Variants in LDB2 observed in about 807,000 individuals in gnomAD.
LDB2 encodes LIM domain-binding protein 2.
In LDB2, 12 loss-of-function variants were observed where a neutral mutation model predicts 44.3. That is an observed-to-expected ratio of 0.27 (90% CI 0.17 to 0.44). The LOEUF (loss-of-function observed/expected upper bound fraction) is 0.44. LDB2 is among the 20% of genes least tolerant of loss of function. LDB2 has a pLI of 1.00. For synonymous variants in LDB2, 164 were observed against 174.8 expected, an observed-to-expected ratio of 0.94 and a Z score of 0.49; for missense variants, 344 against 473.5, an observed-to-expected ratio of 0.73 and a Z score of 2.54.
At chr4:16,534,019 C>A (rs1434891359) in intron 5 of LDB2, among the ~76,000 whole-genome samples, 1 of 152,116 alleles carries the variant, frequency 6.6e-6, no homozygotes, top group Non-Finnish European at 1.5e-5. Context: ...AGCAGCATAG[C>A]CTTTGTGTGG....
chr4:16,629,686 T>C (rs928969312), intron 2 of LDB2, among the ~76,000 whole-genome samples: 3 of 151,872 alleles, frequency 2.0e-5, no homozygotes, highest in Admixed American at 6.6e-5. Context: ...GCTAAAAACC[T>C]TGAAAAAAGG....
At position 16,876,523 on chromosome 4, in the gene LDB2, A is replaced by C. The variant is rs1175646703; in HGVS notation, c.132+21831T>G. ...CGATTAAATGTAAATCCTAATGTAC[A>C]TTTCATTTTATGTGCAATATGGGTG... is the stretch of plus-strand genomic sequence containing the variant. On this transcript the variant is annotated intron_variant, in intron 1 of 7. Transcript: ENST00000304523. 1.1e-4 allele frequency among the ~76,000 whole-genome samples: 17 copies of C among 152,316 alleles called. No homozygotes were observed. In the South Asian group the frequency reaches 1.7e-3, roughly 15 times the overall value.
chr4:16,746,415 G>A (rs968619375), intron 2 of LDB2, among the ~76,000 whole-genome samples: 1 of 151,270 alleles, frequency 6.6e-6, no homozygotes, highest in Non-Finnish European at 1.5e-5. Flanking sequence ...CAAAGCCACG[G>A]CTAATATTGG....
intron 2 of LDB2, among the ~76,000 whole-genome samples, chr4:16,667,814 C>T (rs1743707898): frequency 6.6e-6 from 1 of 152,176 alleles, no homozygotes; most frequent in Admixed American, 6.5e-5. Flanking sequence ...CACAGCTGTC[C>T]CTGGACTGGC....
At chr4:16,779,026 C>T (rs1772572141) in intron 1 of LDB2, among the ~76,000 whole-genome samples, 1 of 152,144 alleles carries the variant, frequency 6.6e-6, no homozygotes, top group Non-Finnish European at 1.5e-5. Flanking sequence ...GAGACAAATG[C>T]ATTGTTTTCA....
intron 1 of LDB2, among the ~76,000 whole-genome samples, chr4:16,802,971 C>A (rs2109768729): frequency 6.6e-6 from 1 of 152,318 alleles, no homozygotes; most frequent in East Asian, 1.9e-4. Flanking sequence ...GGGGCTGTCA[C>A]TGGAGCCAGA....
intron 2 of LDB2, among the ~76,000 whole-genome samples, chr4:16,658,566 A>C (rs1740576204): frequency 6.6e-6 from 1 of 151,988 alleles, no homozygotes; most frequent in South Asian, 2.1e-4. Context: ...CTAAAGCCTG[A>C]AATTTTAGAT....
intron 2 of LDB2, among the ~76,000 whole-genome samples, chr4:16,753,326 G>A (rs1765843114): frequency 6.6e-6 from 1 of 152,220 alleles, no homozygotes; most frequent in Admixed American, 6.5e-5. Flanking sequence ...ACCGGAGATA[G>A]TGAACCTACT....
At chr4:16,682,346 A>G (rs899752384) in intron 2 of LDB2, among the ~76,000 whole-genome samples, 2 of 152,208 alleles carry the variant, frequency 1.3e-5, no homozygotes, top group Non-Finnish European at 2.9e-5. Context: ...AAATAAGTAC[A>G]ATAATGCCTG....
At chr4:16,621,906 AT>A (rs1293795570) in intron 2 of LDB2, among the ~76,000 whole-genome samples, 5 of 152,182 alleles carry the variant, frequency 3.3e-5, no homozygotes, top group African/African-American at 4.8e-5. Context: ...TATAGTGGGA[AT>A]TTTTCTTAGA....
chr4:16,861,055 C>G (rs1712383195), intron 1 of LDB2, among the ~76,000 whole-genome samples: 1 of 152,210 alleles, frequency 6.6e-6, no homozygotes, highest in African/African-American at 2.4e-5. Context: ...GTATGGAGGA[C>G]TTCTCTGCTG....
At chr4:16,817,018 T>A (rs895148238) in intron 1 of LDB2, among the ~76,000 whole-genome samples, 2 of 152,146 alleles carry the variant, frequency 1.3e-5, no homozygotes, top group African/African-American at 4.8e-5. Flanking sequence ...CAGTATTGCA[T>A]CGCCAACAAG....
intron 1 of LDB2, among the ~76,000 whole-genome samples, chr4:16,780,328 T>C (rs1384953862): frequency 6.6e-6 from 1 of 152,168 alleles, no homozygotes; most frequent in Non-Finnish European, 1.5e-5. Context: ...GTTCAAGCAA[T>C]TCTCTGGCCT....
intron 2 of LDB2, among the ~76,000 whole-genome samples, chr4:16,634,842 G>A (rs1035655285): frequency 7.9e-5 from 12 of 152,232 alleles, no homozygotes; most frequent in Admixed American, 4.6e-4. Flanking sequence ...ACATGCACAC[G>A]TATGTTTATT....
At chr4:16,743,919 G>A (rs1177506145) in intron 2 of LDB2, among the ~76,000 whole-genome samples, 1 of 152,112 alleles carries the variant, frequency 6.6e-6, no homozygotes, top group Non-Finnish European at 1.5e-5. Flanking sequence ...TTCTGCAATC[G>A]AAAACTAAAA....
At chr4:16,706,596 T>C (rs1384021711) in intron 2 of LDB2, among the ~76,000 whole-genome samples, 3 of 152,208 alleles carry the variant, frequency 2.0e-5, no homozygotes, top group Non-Finnish European at 4.4e-5. Flanking sequence ...AAGTTATTTA[T>C]GCGATAGTAG....
intron 1 of LDB2, among the ~76,000 whole-genome samples, chr4:16,783,514 G>A (rs1252529042): frequency 6.6e-6 from 1 of 152,222 alleles, no homozygotes; most frequent in Non-Finnish European, 1.5e-5. Context: ...TTTGTTTAAA[G>A]CATCATTTTC....
chr4:16,792,607 G>C (rs1775987585), intron 1 of LDB2, among the ~76,000 whole-genome samples: 1 of 152,158 alleles, frequency 6.6e-6, no homozygotes, highest in East Asian at 1.9e-4. Flanking sequence ...CTTTTCGAAA[G>C]ATGCATCATG....
In LDB2 at chr4:16,501,596, A is replaced by C. The variant is rs539155022; in HGVS notation, c.*1047T>G. 1 of 152,796 alleles carries C rather than the reference A, an allele frequency of 6.5e-6. No homozygotes were observed. Among genetic ancestry groups the C allele is most frequent in the East Asian group, 1.9e-4 (1 of 5,188 alleles). The allele number at this position is 152,796 out of a possible 1,614,324, so 9.5% of individuals were successfully genotyped here. ...CACTTATCAGTAAAGCATACATAAA[A>C]TACAGCTGTTTTTTAACACACGGAG... On this transcript the variant is annotated 3_prime_UTR_variant, in exon 8 of 8. Coordinates refer to ENST00000304523, the MANE Select transcript of LDB2 (RefSeq NM_001290.5).
Sources: allele counts gnomAD v4.1 joint callset (sites outside exome capture counted in the v4.1 genomes callset), GRCh38; gene constraint gnomAD v4.1.1; transcripts MANE v1.5; gene names NCBI Gene and HGNC (gene_info 2026-07-23, HGNC 2026-07-21).